UBE3C: variants seen among roughly 807,000 people sequenced by gnomAD.
UBE3C encodes ubiquitin-protein ligase E3C.
In UBE3C, 42 loss-of-function variants were observed where a neutral mutation model predicts 129.4. The observed-to-expected ratio is 0.32, with a 90% CI of 0.25 to 0.42. The LOEUF (loss-of-function observed/expected upper bound fraction) is 0.42, where lower values mean the gene tolerates loss of function less well. UBE3C is among the 10% of genes least tolerant of loss of function. The probability of loss-of-function intolerance (pLI) is 1.00; values close to 1 mark genes in which losing one functional copy is unlikely to be tolerated. For synonymous variants in UBE3C, 510 were observed against 492.4 expected, an observed-to-expected ratio of 1.04 and a Z score of -0.47; for missense variants, 1,049 against 1,319.1, an observed-to-expected ratio of 0.80 and a Z score of 3.17.
intron 17 of UBE3C, among the ~76,000 whole-genome samples, chr7:157,225,914 T>A (rs181533568): frequency 1.3e-5 from 2 of 152,202 alleles, no homozygotes; most frequent in African/African-American, 4.8e-5. Context: ...ATTGTGCTAC[T>A]GCTCAGGCCT....
intron 1 of UBE3C, chr7:157,140,032 A>G (rs1038372932): frequency 1.0e-6 from 1 of 985,244 alleles, no homozygotes; most frequent in Admixed American, 6.2e-5. Context: ...ATTGTTTAGG[A>G]TAAGGGTAGG....
At chr7:157,139,493 G>T (rs908963623) in intron 1 of UBE3C, among the ~76,000 whole-genome samples, 155 bp downstream of exon 1, 2 of 151,350 alleles carry the variant, frequency 1.3e-5, no homozygotes, top group African/African-American at 4.9e-5. Context: ...TTCCTCGCCG[G>T]ATCTCGGGGC....
chr7:157,268,338 G>A lies in UBE3C; in HGVS notation c.*583G>A, dbSNP rs1235593270. The A allele has an allele frequency of 2.0e-5, 3 of 152,668 alleles. No individual in the cohort carries two copies. The highest frequency in any genetic ancestry group is 7.2e-5 in the African/African-American group (3 of 41,432). The allele number at this position is 152,668 out of a possible 1,614,324, so 9.5% of individuals were successfully genotyped here. A position where few individuals can be genotyped will look rare whatever the true frequency, so the allele number is the denominator to read the frequency against. ...TGCTTTTTAAGCCATTTCCCCAAAT[G>A]GGACTAGCATGCTTGTTTTCAGTAT... On this transcript the variant is annotated 3_prime_UTR_variant, in exon 23 of 23. Transcript: ENST00000348165.
chr7:157,143,109 C>T (rs1807503307), intron 1 of UBE3C, among the ~76,000 whole-genome samples: 2 of 152,062 alleles, frequency 1.3e-5, no homozygotes, highest in Admixed American at 6.6e-5. Context: ...TCAGGTGATC[C>T]GCCTGCCTCA....
chr7:157,253,971 C>A lies in UBE3C; in HGVS notation c.2712C>A (p.Phe904Leu), dbSNP rs111389766. ...ATTCCCAGGTAGTTGAACTAAAATT[C>A]GGTGGGAAAGACATCCCTGTCACCA... ...LGEAQVVELK[F>L]GGKDIPVTSA... is the part of the protein sequence containing the mutation. The change falls in exon 20 of 23, where the codon TTC (phenylalanine) becomes TTA (leucine). Residue 904 changes from phenylalanine (F) to leucine (L), a missense_variant. This residue lies in a region of UBE3C where 243 missense variants were observed against 368.7 expected (regional missense o/e 0.66). Coordinates refer to ENST00000348165, the MANE Select transcript of UBE3C (RefSeq NM_014671.3). 5 of 1,584,820 alleles carry A rather than the reference C, an allele frequency of 3.2e-6. No individual in the cohort carries two copies. In the South Asian group the frequency reaches 5.7e-5, roughly 18 times the overall value.
At position 157,163,960 on chromosome 7, in the gene UBE3C, T is replaced by A. The variant is rs1808144684; in HGVS notation, c.120+97T>A. 6.3e-6 allele frequency: 7 copies of A among 1,103,462 alleles called. No individual in the cohort carries two copies. In the South Asian group the frequency reaches 6.9e-5, roughly 11 times the overall value. The allele number at this position is 1,103,462 out of a possible 1,614,324, so 68.4% of individuals were successfully genotyped here. A position where few individuals can be genotyped will look rare whatever the true frequency, so the allele number is the denominator to read the frequency against. ...TGTATATATGTATGTGTGTATGTATTTTTTATATATGACAGAATGTGTGTG... is the reference window on the plus strand; with the variant it reads ...TGTATATATGTATGTGTGTATGTATATTTTATATATGACAGAATGTGTGTG... On this transcript the variant is annotated intron_variant, in intron 2 of 22. Coordinates refer to ENST00000348165, the MANE Select transcript of UBE3C (RefSeq NM_014671.3).
intron 22 of UBE3C, among the ~76,000 whole-genome samples, chr7:157,259,846 G>A (rs1454083881): frequency 2.6e-5 from 4 of 152,136 alleles, no homozygotes; most frequent in Non-Finnish European, 5.9e-5. Context: ...CTTATAGTAA[G>A]TCAAGTACAC....
At chr7:157,245,508 A>T (rs1796449097) in intron 18 of UBE3C, among the ~76,000 whole-genome samples, 3 of 152,216 alleles carry the variant, frequency 2.0e-5, no homozygotes, top group East Asian at 3.8e-4. Flanking sequence ...ACAAACTGTG[A>T]CTTTTCAACA....
chr7:157,236,729 C>T (rs1796161460), intron 18 of UBE3C, among the ~76,000 whole-genome samples: 1 of 148,702 alleles, frequency 6.7e-6, no homozygotes, highest in Admixed American at 6.7e-5. Flanking sequence ...ACCCTAAACT[C>T]TTTTTTTTTT....
intron 14 of UBE3C, among the ~76,000 whole-genome samples, chr7:157,219,668 G>A (rs1365469196): frequency 3.3e-5 from 5 of 152,168 alleles, no homozygotes; most frequent in Admixed American, 2.0e-4. Flanking sequence ...TTGGGAGACC[G>A]AAGTATGTGG....
Position 157,146,136 on chromosome 7 carries a change from T to G in UBE3C, c.66+6798T>G, listed in dbSNP as rs994962893. ...TTTTAATTTTTGAAGTTTTTTTGTT[T>G]GTGGATGTCCAGTTAGCACCATTTC... is the stretch of plus-strand genomic sequence containing the variant. On this transcript the variant is annotated intron_variant, in intron 1 of 22. Coordinates refer to ENST00000348165, the MANE Select transcript of UBE3C (RefSeq NM_014671.3). 2.0e-5 allele frequency among the ~76,000 whole-genome samples: 3 copies of G among 152,380 alleles called. No individual in the cohort carries two copies. In the East Asian group the frequency reaches 5.8e-4, roughly 29 times the overall value.
In UBE3C at chr7:157,254,116, C is replaced by G; in HGVS notation, c.2857C>G (p.Arg953Gly). The G allele has an allele frequency of 6.2e-7, 1 of 1,611,026 alleles. No homozygotes were observed. ...CAATGTCGTCAGCCTCGAGTGGCTC[C>G]GAATGTTTGATCAGCAAGAAATTCA... ...LANVVSLEWL[R>G]MFDQQEIQVL... Residue 953 changes from arginine to glycine, a missense_variant, in exon 20 of 23, where the codon CGA (arginine) becomes GGA (glycine). Physicochemically the swap from Arg to Gly is moderately radical, Grantham distance 125. This residue lies in a region of UBE3C where 243 missense variants were observed against 368.7 expected (regional missense o/e 0.66). Transcript: ENST00000348165.
intron 21 of UBE3C, 137 bp from the exon 22 acceptor site, chr7:157,256,777 A>G: frequency 9.2e-7 from 1 of 1,084,748 alleles, no homozygotes; most frequent in South Asian, 1.5e-5. Context: ...GGTGATACAC[A>G]CATGCCACGC....
chr7:157,145,565 C>T (rs1351305412), intron 1 of UBE3C, among the ~76,000 whole-genome samples: 1 of 152,114 alleles, frequency 6.6e-6, no homozygotes, highest in Middle Eastern at 3.2e-3. Context: ...TCCATCCCTC[C>T]CATCCCTGTA....
At chr7:157,241,931 T>C (rs1434741319) in intron 18 of UBE3C, among the ~76,000 whole-genome samples, 1 of 152,136 alleles carries the variant, frequency 6.6e-6, no homozygotes, top group African/African-American at 2.4e-5. Context: ...CATGGTTCCA[T>C]TTATATGAAA....
intron 10 of UBE3C, among the ~76,000 whole-genome samples, chr7:157,189,855 C>T (rs773215668): frequency 4.6e-5 from 7 of 152,074 alleles, no homozygotes; most frequent in Non-Finnish European, 8.8e-5. Context: ...GGCTGGAGTG[C>T]AGTGGTGTGA....
In UBE3C at chr7:157,262,409, C is replaced by CTTTTTTTTTTTTTTTTT. The variant is rs371300314; in HGVS notation, c.3082-5165_3082-5149dup. ...AGAATCATGTAAGTCTCTTCATAGG[C>CTTTTTTTTTTTTTTTTT]TTTTTTTTTTTTTTTTTTTTTTTTT... On this transcript the variant is annotated intron_variant, in intron 22 of 22. Transcript: ENST00000348165. 3.0e-4 allele frequency among the ~76,000 whole-genome samples: 16 copies of CTTTTTTTTTTTTTTTTT among 54,038 alleles called. 6 individuals are homozygous for CTTTTTTTTTTTTTTTTT. The highest frequency in any genetic ancestry group is 2.1e-3 in the South Asian group (2 of 958). The allele number at this position is 54,038 out of a possible 152,430, so 35.5% of individuals were successfully genotyped here.
intron 10 of UBE3C, among the ~76,000 whole-genome samples, chr7:157,201,277 T>C (rs892423316): frequency 4.6e-5 from 7 of 151,980 alleles, no homozygotes; most frequent in Admixed American, 1.3e-4. Flanking sequence ...TGAGCCAAGA[T>C]CGTGGCACTG....
intron 18 of UBE3C, among the ~76,000 whole-genome samples, chr7:157,240,207 AC>A (rs1170465917): frequency 1.3e-5 from 2 of 152,036 alleles, no homozygotes; most frequent in Non-Finnish European, 1.5e-5. Flanking sequence ...GACACCCACC[AC>A]CACGCCCGGC....
Sources: allele counts gnomAD v4.1 joint callset (sites outside exome capture counted in the v4.1 genomes callset), GRCh38; gene constraint gnomAD v4.1.1; regional missense constraint gnomAD v4.1.1; transcripts MANE v1.5; gene names NCBI Gene and HGNC (gene_info 2026-07-23, HGNC 2026-07-21).